Variants in SUGP1 observed in about 807,000 individuals in gnomAD.
SUGP1 encodes the protein SURP and G-patch domain-containing protein 1.
In SUGP1, 34 loss-of-function variants were observed where a neutral mutation model predicts 76.5. The ratio of observed to expected loss-of-function variants is 0.44; its 90% confidence interval spans 0.34 to 0.59. SUGP1 has a LOEUF of 0.59. Ranked by LOEUF, SUGP1 falls within the 20% of genes least tolerant of loss-of-function variation. The probability of loss-of-function intolerance (pLI) is 0.01; values close to 1 mark genes in which losing one functional copy is unlikely to be tolerated. For missense variants in SUGP1, 752 were observed against 851.7 expected (o/e 0.88, Z 1.46); for synonymous variants, 326 against 326.2 (o/e 1.00, Z 0.01).
At chr19:19,296,296 C>A (rs1039816159) in intron 8 of SUGP1, among the ~76,000 whole-genome samples, 2 of 152,110 alleles carry the variant, frequency 1.3e-5, no homozygotes, top group Non-Finnish European at 2.9e-5. Flanking sequence ...TGGCTCATAC[C>A]TGTAATCACA....
chr19:19,297,400 A>ATTCTGGACAGGAGCAGTTCTGGCC, intron 7 of SUGP1, 56 bp from the exon 8 acceptor site: 2 of 1,349,530 alleles, frequency 1.5e-6, no homozygotes, highest in Non-Finnish European at 2.0e-6. Flanking sequence ...CCTGTCCCTG[A>ATTCTGGACAGGAGCAGTTCTGGCC]TTCTGGGCAG....
chr19:19,283,697 GC>G (rs1201065503), intron 8 of SUGP1, among the ~76,000 whole-genome samples: 2 of 152,042 alleles, frequency 1.3e-5, no homozygotes, highest in East Asian at 1.9e-4. Context: ...TCATTGATCC[GC>G]CCGCCTCGGC....
chr19:19,285,297 C>G (rs2061131374), intron 8 of SUGP1, among the ~76,000 whole-genome samples: 1 of 152,080 alleles, frequency 6.6e-6, no homozygotes, highest in Non-Finnish European at 1.5e-5. Flanking sequence ...TCCCAAGTAT[C>G]TGGGATTACA....
At chr19:19,317,038 C>T (rs574784267) in intron 1 of SUGP1, among the ~76,000 whole-genome samples, 11 of 151,060 alleles carry the variant, frequency 7.3e-5, no homozygotes, top group African/African-American at 1.5e-4. Flanking sequence ...CTAGGGAGGC[C>T]GAGGCAGGAA....
intron 7 of SUGP1, among the ~76,000 whole-genome samples, chr19:19,297,884 T>C (rs2061240960): frequency 1.3e-5 from 2 of 152,158 alleles, no homozygotes; most frequent in Admixed American, 1.3e-4. Flanking sequence ...ACAGGTCTTC[T>C]CTGTCCCTAC....
intron 10 of SUGP1, 24 bp downstream of exon 10, chr19:19,279,189 G>A (rs574603743): frequency 2.5e-5 from 23 of 915,116 alleles, no homozygotes; most frequent in African/African-American, 8.4e-5. Flanking sequence ...AGCCCAGCCC[G>A]GCCCACCCCG....
intron 1 of SUGP1, among the ~76,000 whole-genome samples, chr19:19,316,959 G>A (rs1013542228): frequency 1.3e-5 from 2 of 152,106 alleles, no homozygotes; most frequent in African/African-American, 4.8e-5. Flanking sequence ...CCAACGTGGT[G>A]AAACCCTGTC....
intron 8 of SUGP1, among the ~76,000 whole-genome samples, chr19:19,288,087 G>A (rs905154918): frequency 3.3e-5 from 5 of 151,936 alleles, no homozygotes; most frequent in Admixed American, 3.3e-4. Flanking sequence ...GTCTCGGGAG[G>A]CAGAGGTTAC....
chr19:19,291,523 C>T (rs764401070), intron 8 of SUGP1, among the ~76,000 whole-genome samples: 2 of 151,978 alleles, frequency 1.3e-5, no homozygotes, highest in Non-Finnish European at 2.9e-5. Flanking sequence ...AAACACAAAC[C>T]ATCAAAACAC....
Position 19,279,233 on chromosome 19 carries a change from A to G in SUGP1, c.1508T>C (p.Met503Thr). The part of the protein sequence containing the change: ...LGTWEHQLRR[M>T]EMDKTREWAE... ...CATACCCCTGGTCTTATCCATCTCC[A>G]TGCGCCGCAGCTGGTGCTCCCAGGT... Residue 503 changes from methionine (M) to threonine (T), a missense_variant, in exon 10 of 14, where the codon ATG becomes ACG. Transcript: ENST00000247001. 1 of 1,569,078 alleles carries G rather than the reference A, an allele frequency of 6.4e-7. No individual in the cohort carries two copies. Among genetic ancestry groups the G allele is most frequent in the Non-Finnish European group, 8.6e-7 (1 of 1,156,212 alleles).
At position 19,279,173 on chromosome 19, in the gene SUGP1, A is replaced by G. The variant is rs747034775; in HGVS notation, c.1528+40T>C. 9.8e-6 allele frequency: 15 copies of G among 1,527,210 alleles called. No individual in the cohort carries two copies. The South Asian group carries it at 1.7e-4, about 18-fold the overall frequency. The allele number at this position is 1,527,210 out of a possible 1,614,324, so 94.6% of individuals were successfully genotyped here. On this transcript the variant is annotated intron_variant, in intron 10 of 13. Coordinates refer to ENST00000247001, the MANE Select transcript of SUGP1 (RefSeq NM_172231.4). ...CCTTCCAGGGCAGGTGAGGGGGGCCATGCCCAGCCCAGCCCGGCCCACCCC... is the reference window on the plus strand; with the variant it reads ...CCTTCCAGGGCAGGTGAGGGGGGCCGTGCCCAGCCCAGCCCGGCCCACCCC...
chr19:19,284,364 A>G (rs1346668257), intron 8 of SUGP1, among the ~76,000 whole-genome samples: 1 of 152,224 alleles, frequency 6.6e-6, no homozygotes, highest in African/African-American at 2.4e-5. Flanking sequence ...CATTACAAGA[A>G]AAAGCTGAAT....
intron 2 of SUGP1, among the ~76,000 whole-genome samples, chr19:19,312,461 C>T (rs1287641896): frequency 6.6e-6 from 1 of 152,178 alleles, no homozygotes; most frequent in Non-Finnish European, 1.5e-5. Flanking sequence ...TTTAAACCCG[C>T]ATGACGTTCC....
intron 3 of SUGP1, among the ~76,000 whole-genome samples, chr19:19,308,155 C>T (rs996936365): frequency 6.6e-6 from 1 of 152,232 alleles, no homozygotes; most frequent in South Asian, 2.1e-4. Context: ...CTCAGCCCCC[C>T]CATTAGTTGG....
intron 3 of SUGP1, among the ~76,000 whole-genome samples, chr19:19,307,391 T>G (rs886821028): frequency 6.6e-6 from 1 of 151,744 alleles, no homozygotes; most frequent in Non-Finnish European, 1.5e-5. Context: ...AAATGGAAAG[T>G]GTGGAAATGG....
intron 4 of SUGP1, among the ~76,000 whole-genome samples, chr19:19,304,610 G>A (rs2061301609): frequency 6.6e-6 from 1 of 152,230 alleles, no homozygotes; most frequent in African/African-American, 2.4e-5. Context: ...ACTGAGCCAT[G>A]TGGAACTTGC....
At chr19:19,296,152 A>G (rs567240613) in intron 8 of SUGP1, among the ~76,000 whole-genome samples, 1 of 152,256 alleles carries the variant, frequency 6.6e-6, no homozygotes, top group East Asian at 1.9e-4. Context: ...CCCCGTCTCC[A>G]TAAAACTTTT....
chr19:19,319,339 T>A lies in SUGP1; in HGVS notation c.34+1124A>T, dbSNP rs116853013. Among the ~76,000 whole-genome samples, 61 of 152,228 alleles carry A rather than the reference T, an allele frequency of 4.0e-4. 1 individual carries two copies. The East Asian group carries it at 0.011, about 28-fold the overall frequency. The stretch of plus-strand genomic sequence containing the variant: ...AGGACAAGCCCATCCTACCAGGGCC[T>A]CTGCATTTACTGGCCCCCCTCTGTG... On this transcript the variant is annotated intron_variant, in intron 1 of 13. Coordinates refer to ENST00000247001, the MANE Select transcript of SUGP1 (RefSeq NM_172231.4).
At position 19,286,802 on chromosome 19, in the gene SUGP1, G is replaced by A. The variant is rs546778990; in HGVS notation, c.1244-6511C>T. On this transcript the variant is annotated intron_variant, in intron 8 of 13. Transcript: ENST00000247001. ...GTCATGCCTACAATCCCAGCACTTC[G>A]GAAGCCCGAGGCAGGTGGATCACCT... 2.6e-5 allele frequency among the ~76,000 whole-genome samples: 4 copies of A among 152,304 alleles called. No homozygotes were observed. In the East Asian group the frequency reaches 5.8e-4, roughly 22 times the overall value.
Sources: allele counts gnomAD v4.1 joint callset (sites outside exome capture counted in the v4.1 genomes callset), GRCh38; gene constraint gnomAD v4.1.1; transcripts MANE v1.5; gene names NCBI Gene and HGNC (gene_info 2026-07-23, HGNC 2026-07-21).